Variants in NUBPL observed in about 807,000 individuals in gnomAD.
NUBPL encodes the protein iron-sulfur cluster transfer protein NUBPL.
A neutral mutation model predicts 45.7 loss-of-function variants in NUBPL; 31 were observed. The observed-to-expected ratio is 0.68, with a 90% CI of 0.51 to 0.92. NUBPL has a LOEUF of 0.92. NUBPL is among the 40% of genes least tolerant of loss of function. NUBPL has a pLI of 0.00. For missense variants in NUBPL, 401 were observed against 398.7 expected (o/e 1.01, Z -0.05); for synonymous variants, 144 against 140.9 (o/e 1.02, Z -0.15).
chr14:31,853,343 A>G (rs1053633666), intron 10 of NUBPL, among the ~76,000 whole-genome samples: 2 of 152,234 alleles, frequency 1.3e-5, no homozygotes, highest in African/African-American at 4.8e-5. Context: ...GACATGAGCC[A>G]TCACACCTGG....
At chr14:31,680,774 T>C (rs1031642004) in intron 6 of NUBPL, among the ~76,000 whole-genome samples, 1 of 152,118 alleles carries the variant, frequency 6.6e-6, no homozygotes, top group African/African-American at 2.4e-5. Flanking sequence ...TGTAAATAGT[T>C]ATTATACTGA....
intron 8 of NUBPL, chr14:31,843,630 C>T (rs560685286): frequency 1.4e-4 from 22 of 152,402 alleles, no homozygotes; most frequent in Admixed American, 1.0e-3. Context: ...ACTCCACTCA[C>T]ACCACACCTT....
chr14:31,745,619 T>C (rs186015910), intron 6 of NUBPL, among the ~76,000 whole-genome samples: 6 of 152,114 alleles, frequency 3.9e-5, no homozygotes, highest in African/African-American at 1.5e-4. Flanking sequence ...CTACTGATTT[T>C]TGTATGTTGA....
intron 6 of NUBPL, among the ~76,000 whole-genome samples, chr14:31,713,183 G>C (rs1253510357): frequency 6.6e-6 from 1 of 152,126 alleles, no homozygotes; most frequent in African/African-American, 2.4e-5. Flanking sequence ...AAAACTACTG[G>C]GTTGGTTTCA....
At chr14:31,853,684 T>G (rs1191212391) in intron 10 of NUBPL, among the ~76,000 whole-genome samples, 1 of 152,122 alleles carries the variant, frequency 6.6e-6, no homozygotes, top group African/African-American at 2.4e-5. Flanking sequence ...TAGTACCAAT[T>G]AAAAAGTACT....
At chr14:31,568,476 A>G (rs1416350753) in intron 3 of NUBPL, among the ~76,000 whole-genome samples, 8 of 152,238 alleles carry the variant, frequency 5.3e-5, no homozygotes, top group African/African-American at 1.9e-4. Flanking sequence ...TTATTTCTAA[A>G]CAGAACTAAC....
intron 7 of NUBPL, among the ~76,000 whole-genome samples, chr14:31,804,325 C>T (rs1247405889): frequency 1.3e-5 from 2 of 151,948 alleles, no homozygotes; most frequent in African/African-American, 4.8e-5. Flanking sequence ...GTAGATGTTA[C>T]AGTATATCAG....
chr14:31,809,594 G>A (rs1240879868), intron 7 of NUBPL, among the ~76,000 whole-genome samples: 2 of 152,022 alleles, frequency 1.3e-5, no homozygotes, highest in East Asian at 3.9e-4. Flanking sequence ...TTTTTTGAAG[G>A]GTTTTTTGTG....
intron 7 of NUBPL, 46 bp from the exon 8 acceptor site, chr14:31,826,583 C>T (rs747196950): frequency 1.3e-6 from 2 of 1,536,010 alleles, no homozygotes; most frequent in East Asian, 4.5e-5. Context: ...AGTAATTTCT[C>T]CATAGAGAAT....
At chr14:31,631,247 T>C (rs1012666187) in intron 4 of NUBPL, among the ~76,000 whole-genome samples, 8 of 152,124 alleles carry the variant, frequency 5.3e-5, no homozygotes, top group Admixed American at 2.0e-4. Flanking sequence ...TGTGTGTGGG[T>C]TGGGGGGCTA....
intron 7 of NUBPL, among the ~76,000 whole-genome samples, chr14:31,820,361 T>C (rs1176641131): frequency 2.0e-5 from 3 of 152,192 alleles, no homozygotes; most frequent in South Asian, 2.1e-4. Flanking sequence ...GTATAAAGGG[T>C]GAAAACTCTA....
chr14:31,713,934 G>A (rs2037630968), intron 6 of NUBPL, among the ~76,000 whole-genome samples: 1 of 152,112 alleles, frequency 6.6e-6, no homozygotes, highest in Non-Finnish European at 1.5e-5. Flanking sequence ...TTCTGTATCT[G>A]GTTCTTAGTC....
intron 6 of NUBPL, among the ~76,000 whole-genome samples, chr14:31,750,094 A>T (rs2038488173): frequency 6.6e-6 from 1 of 151,836 alleles, no homozygotes. Context: ...TTTCACTCAG[A>T]TAACAATTTT....
chr14:31,828,005 T>A (rs1277200744), intron 8 of NUBPL, among the ~76,000 whole-genome samples: 20 of 151,270 alleles, frequency 1.3e-4, no homozygotes, highest in Non-Finnish European at 1.5e-5. Flanking sequence ...TGGATTGACA[T>A]GTTCTCGTGA....
At chr14:31,792,927 G>C (rs1399711014) in intron 7 of NUBPL, among the ~76,000 whole-genome samples, 1 of 152,096 alleles carries the variant, frequency 6.6e-6, no homozygotes, top group African/African-American at 2.4e-5. Flanking sequence ...TGCTGGCCTG[G>C]CTGAATCATG....
chr14:31,727,905 C>T (rs1366723104), intron 6 of NUBPL, among the ~76,000 whole-genome samples: 2 of 152,046 alleles, frequency 1.3e-5, no homozygotes, highest in Admixed American at 6.6e-5. Flanking sequence ...GGAACTGTTG[C>T]ATTTTAATAT....
intron 6 of NUBPL, among the ~76,000 whole-genome samples, chr14:31,710,161 A>G (rs564068779): frequency 1.3e-5 from 2 of 152,188 alleles, no homozygotes; most frequent in East Asian, 3.9e-4. Context: ...TTCAGGGTTT[A>G]TGGGTCAAAT....
chr14:31,637,740 C>G (rs2035549272), intron 4 of NUBPL, among the ~76,000 whole-genome samples: 1 of 152,128 alleles, frequency 6.6e-6, no homozygotes, highest in Non-Finnish European at 1.5e-5. Context: ...CTTTGTAGGT[C>G]ACTCAGGACT....
At chr14:31,830,994 A>AT (rs1363205683) in intron 8 of NUBPL, among the ~76,000 whole-genome samples, 1 of 152,128 alleles carries the variant, frequency 6.6e-6, no homozygotes, top group Non-Finnish European at 1.5e-5. Flanking sequence ...TGGTACTTAG[A>AT]TTAAACAAAA....
Sources: allele counts gnomAD v4.1 joint callset (sites outside exome capture counted in the v4.1 genomes callset), GRCh38; gene constraint gnomAD v4.1.1; transcripts MANE v1.5; gene names NCBI Gene and HGNC (gene_info 2026-07-23, HGNC 2026-07-21).